The following NRXN3 variants were observed in gnomAD, a reference collection of about 807,000 sequenced individuals.
The protein encoded by NRXN3 is neurexin 3, also known as neurexin III.
NRXN3 carries 32 observed loss-of-function variants against 137.6 expected under a neutral mutation model. The observed-to-expected ratio is 0.23, with a 90% CI of 0.18 to 0.31. The LOEUF is 0.31. Among genes scored for constraint, NRXN3 ranks in the 10% least tolerant of loss-of-function variants. The pLI, the probability that NRXN3 is intolerant of heterozygous loss-of-function variation, is 1.00. For synonymous variants in NRXN3, 798 were observed against 784.5 expected (o/e 1.02, Z -0.29); for missense variants, 1,574 against 2,062.5 (o/e 0.76, Z 4.59).
Position 78,651,787 on chromosome 14 carries a change from T to TGGGAAA in NRXN3, c.1221+462_1221+463insGGAAAG, listed in dbSNP as rs1270384629. On this transcript the variant is annotated intron_variant, in intron 6 of 20. Coordinates refer to ENST00000335750, the MANE Select transcript of NRXN3 (RefSeq NM_001330195.2). ...TCATGAGAACAGCATGGGAAAGACC[T>TGGGAAA]GACCCCATGATTTAATTACCTCCCA... Among the ~76,000 whole-genome samples the TGGGAAA allele has an allele frequency of 8.5e-3, 1,293 of 152,268 alleles. 22 individuals are homozygous for TGGGAAA. The highest frequency in any genetic ancestry group is 0.03 in the African/African-American group (1,242 of 41,542).
At chr14:78,814,415 G>C (rs2098925062) in intron 10 of NRXN3, among the ~76,000 whole-genome samples, 1 of 152,116 alleles carries the variant, frequency 6.6e-6, no homozygotes. Context: ...AAGGGATCGA[G>C]ACCATCCTGG....
At chr14:79,636,042 G>A (rs1181709396) in intron 16 of NRXN3, among the ~76,000 whole-genome samples, 1 of 152,048 alleles carries the variant, frequency 6.6e-6, no homozygotes, top group African/African-American at 2.4e-5. Flanking sequence ...TGAGATTTGG[G>A]TAGGGACAAC....
Position 78,709,281 on chromosome 14 carries a change from A to G in NRXN3, c.1286A>G (p.Lys429Arg). The change falls in exon 7 of 21, where the codon AAG (lysine) becomes AGG (arginine). Residue 429 changes from lysine (K) to arginine (R), a missense_variant. This residue lies in a region of NRXN3 where 718 missense variants were observed against 887.6 expected (regional missense o/e 0.81). Coordinates refer to ENST00000335750, the MANE Select transcript of NRXN3 (RefSeq NM_001330195.2). ...CGCCTGGCCCGGATTGCGGACACCA[A>G]GATGAAAATCTATGGCGAAGTTGTG... ...LSRLARIADT[K>R]MKIYGEVVFK... 2.5e-6 allele frequency: 4 copies of G among 1,614,158 alleles called. No homozygotes were observed. Among genetic ancestry groups the G allele is most frequent in the Non-Finnish European group, 3.4e-6 (4 of 1,180,022 alleles).
In NRXN3 at chr14:79,861,664, A is replaced by G. The variant is rs1328021038; in HGVS notation, c.4416A>G (p.Ala1472=). ...TSPMFRNVPT[A]NPTEPGIRRV... is the part of the protein sequence containing the mutation. ...CCATGTTCCGTAATGTGCCCACAGC[A>G]AACCCCACGGAGCCGGGAATCAGAC... is the stretch of plus-strand genomic sequence containing the variant. Residue 1472 remains alanine (A), a synonymous_variant, in exon 21 of 21, where the codon GCA becomes GCG. Coordinates refer to ENST00000335750, the MANE Select transcript of NRXN3 (RefSeq NM_001330195.2). The surrounding 1 kb of genome is among the most constrained non-coding windows in gnomAD (Gnocchi z 5.4). The G allele has an allele frequency of 6.2e-7, 1 of 1,614,194 alleles. No homozygotes were observed. Among genetic ancestry groups the G allele is most frequent in the Non-Finnish European group, 8.5e-7 (1 of 1,180,032 alleles).
intron 15 of NRXN3, among the ~76,000 whole-genome samples, chr14:79,133,263 G>T (rs945756572): frequency 1.3e-5 from 2 of 152,172 alleles, no homozygotes; most frequent in Non-Finnish European, 2.9e-5. Flanking sequence ...TTAGGCCATG[G>T]TGTGAATTGT....
chr14:79,675,008 T>C (rs1050720266), intron 17 of NRXN3, among the ~76,000 whole-genome samples: 2 of 152,042 alleles, frequency 1.3e-5, no homozygotes, highest in African/African-American at 2.4e-5. Flanking sequence ...ACTATTTGTT[T>C]TTGAATCATC....
chr14:78,933,984 C>A (rs956759109), intron 10 of NRXN3, among the ~76,000 whole-genome samples: 3 of 151,614 alleles, frequency 2.0e-5, no homozygotes, highest in Non-Finnish European at 4.4e-5. Flanking sequence ...TAAATACCTA[C>A]GGTTGATGAG....
At chr14:79,249,577 C>A (rs572188966) in intron 15 of NRXN3, among the ~76,000 whole-genome samples, 1 of 152,138 alleles carries the variant, frequency 6.6e-6, no homozygotes, top group Non-Finnish European at 1.5e-5. Flanking sequence ...AGAGGCAACT[C>A]GGTTATCACT....
chr14:79,176,573 A>G (rs994224152), intron 15 of NRXN3, among the ~76,000 whole-genome samples: 4 of 152,142 alleles, frequency 2.6e-5, no homozygotes, highest in Non-Finnish European at 4.4e-5. Flanking sequence ...GCCATGCTGG[A>G]TTGTTTGCTG....
At chr14:78,522,822 C>A (rs188843654) in intron 4 of NRXN3, among the ~76,000 whole-genome samples, 1 of 152,254 alleles carries the variant, frequency 6.6e-6, no homozygotes, top group East Asian at 1.9e-4. Context: ...CAAGGCTAGA[C>A]TACTAGCAGG....
chr14:78,328,870 A>G (rs924372572), intron 4 of NRXN3, among the ~76,000 whole-genome samples: 12 of 152,204 alleles, frequency 7.9e-5, no homozygotes, highest in Non-Finnish European at 8.8e-5. Context: ...ATACATGGCA[A>G]GGTACTATCT....
intron 15 of NRXN3, among the ~76,000 whole-genome samples, chr14:79,319,340 A>T (rs1156371562): frequency 6.6e-6 from 1 of 152,190 alleles, no homozygotes; most frequent in Non-Finnish European, 1.5e-5. Context: ...TTACTTTCTC[A>T]TAAATACTAA....
rs371884980 is a variant in NRXN3 at position 79,470,860 on chromosome 14, A to ATGTGTG, written c.3444+3467_3444+3472dup. Among the ~76,000 whole-genome samples, 14 of 146,480 alleles carry ATGTGTG rather than the reference A, an allele frequency of 9.6e-5. No individual in the cohort carries two copies. The East Asian group carries it at 2.9e-3, about 30-fold the overall frequency. ...ACTCCAAAATTAGCCAGCGGTGTAT[A>ATGTGTG]TGTGTGTGTGTGTGAGAGAGAGAGA... On this transcript the variant is annotated intron_variant, in intron 16 of 20. Transcript: ENST00000335750.
At chr14:78,670,341 C>T (rs1429533741) in intron 6 of NRXN3, among the ~76,000 whole-genome samples, 1 of 152,124 alleles carries the variant, frequency 6.6e-6, no homozygotes, top group Non-Finnish European at 1.5e-5. Flanking sequence ...GTGTCTTTAT[C>T]GTAGAATGAT....
intron 4 of NRXN3, among the ~76,000 whole-genome samples, chr14:78,610,173 T>TTA (rs2097288703): frequency 1.3e-5 from 2 of 152,166 alleles, no homozygotes; most frequent in Admixed American, 6.5e-5. Flanking sequence ...GATGTTGGAC[T>TTA]AAGTCCAGCT....
chr14:78,271,732 C>G (rs1473614980), intron 2 of NRXN3, among the ~76,000 whole-genome samples: 9 of 152,180 alleles, frequency 5.9e-5, no homozygotes. Context: ...TACTGATGCT[C>G]CATCTTGCAA....
At chr14:78,504,991 C>T (rs946804325) in intron 4 of NRXN3, among the ~76,000 whole-genome samples, 11 of 152,196 alleles carry the variant, frequency 7.2e-5, no homozygotes, top group African/African-American at 2.6e-4. Flanking sequence ...GAGCCTTTGC[C>T]CTAAGGTTAC....
chr14:79,725,257 C>A (rs191035039), intron 19 of NRXN3, among the ~76,000 whole-genome samples: 11 of 152,252 alleles, frequency 7.2e-5, no homozygotes, highest in Admixed American at 7.2e-4. Flanking sequence ...TAGATTGATA[C>A]ATGTCTGACA....
At chr14:79,537,445 T>A (rs2097222530) in intron 16 of NRXN3, among the ~76,000 whole-genome samples, 1 of 151,998 alleles carries the variant, frequency 6.6e-6, no homozygotes, top group Admixed American at 6.6e-5. Flanking sequence ...TCCCCCTCCC[T>A]GCACCCCACA....
Sources: allele counts gnomAD v4.1 joint callset (sites outside exome capture counted in the v4.1 genomes callset), GRCh38; gene constraint gnomAD v4.1.1; regional missense constraint gnomAD v4.1.1; non-coding constraint Gnocchi (gnomAD v3.1); transcripts MANE v1.5; gene names NCBI Gene and HGNC (gene_info 2026-07-23, HGNC 2026-07-21).